The following ANXA4 variants were observed in gnomAD, a reference collection of about 807,000 sequenced individuals.
The protein encoded by ANXA4 is 35-beta calcimedin.
Under a neutral mutation model 49.8 loss-of-function variants are expected in ANXA4, and 39 were observed. That is an observed-to-expected ratio of 0.78 (90% confidence interval 0.61 to 1.02). The LOEUF (loss-of-function observed/expected upper bound fraction) is 1.02, where lower values mean the gene tolerates loss of function less well. Among genes scored for constraint, ANXA4 ranks in the 50% least tolerant of loss-of-function variants. ANXA4 has a pLI of 0.00. For synonymous variants in ANXA4, 134 were observed against 152.5 expected, an observed-to-expected ratio of 0.88 and a Z score of 0.89; for missense variants, 360 against 410.1, an observed-to-expected ratio of 0.88 and a Z score of 1.05.
rs904636095 is a variant in ANXA4 at position 69,826,895 on chromosome 2, T to A, written c.*1380T>A. The A allele has an allele frequency of 1.2e-4, 19 of 152,078 alleles. No individual in the cohort carries two copies. Among genetic ancestry groups the A allele is most frequent in the African/African-American group, 4.6e-4 (19 of 41,342 alleles). 9.4% of individuals were successfully genotyped at this position (152,078 alleles called of 1,614,324 possible). A position where few individuals can be genotyped will look rare whatever the true frequency, so the allele number is the denominator to read the frequency against. On this transcript the variant is annotated 3_prime_UTR_variant, in exon 13 of 13. Transcript: ENST00000394295. ...CTGAAAGGAGCTATTTTTGAAGGAC[T>A]TGTGTTACTCAGTTTCTACAGGAAT...
intron 3 of ANXA4, among the ~76,000 whole-genome samples, chr2:69,730,835 T>C (rs566975295): frequency 6.6e-6 from 1 of 152,318 alleles, no homozygotes; most frequent in Non-Finnish European, 1.5e-5. Context: ...TAATGACCCA[T>C]TAGCAAGGCC....
intron 1 of ANXA4, among the ~76,000 whole-genome samples, chr2:69,763,516 C>A (rs1197866808): frequency 6.6e-6 from 1 of 152,010 alleles, no homozygotes; most frequent in African/African-American, 2.4e-5. Context: ...CAAATAGAAC[C>A]CAACAAGGAA....
chr2:69,788,769 T>C (rs375871192), intron 3 of ANXA4, among the ~76,000 whole-genome samples: 2 of 133,762 alleles, frequency 1.5e-5, no homozygotes, highest in African/African-American at 2.9e-5. Flanking sequence ...ACCCGGGAGG[T>C]GGAGCTTGCA....
intron 3 of ANXA4, among the ~76,000 whole-genome samples, chr2:69,799,692 T>C (rs1391848232): frequency 6.6e-6 from 1 of 152,198 alleles, no homozygotes; most frequent in Non-Finnish European, 1.5e-5. Context: ...ACAGTGATTC[T>C]ATGTGCACCA....
At chr2:69,692,901 G>T (rs967401868) in intron 2 of ANXA4, among the ~76,000 whole-genome samples, 19 of 152,110 alleles carry the variant, frequency 1.2e-4, no homozygotes, top group Non-Finnish European at 2.8e-4. Context: ...GTTCAGAATT[G>T]GTTTATATCA....
At chr2:69,764,315 G>A (rs753631136) in intron 1 of ANXA4, among the ~76,000 whole-genome samples, 31 of 152,128 alleles carry the variant, frequency 2.0e-4, no homozygotes, top group Non-Finnish European at 3.5e-4. Flanking sequence ...ATGTTTCCTC[G>A]AGGGACTTTG....
At chr2:69,673,456 G>C (rs1677268414) in intron 2 of ANXA4, among the ~76,000 whole-genome samples, 1 of 117,514 alleles carries the variant, frequency 8.5e-6, no homozygotes, top group Non-Finnish European at 1.6e-5. Context: ...TGAACAATGA[G>C]AACACATGGA....
At chr2:69,675,623 G>T (rs1677379533) in intron 2 of ANXA4, among the ~76,000 whole-genome samples, 1 of 152,282 alleles carries the variant, frequency 6.6e-6, no homozygotes, top group African/African-American at 2.4e-5. Flanking sequence ...GGGGCAGAAA[G>T]CAGAATGACA....
intron 1 of ANXA4, among the ~76,000 whole-genome samples, chr2:69,760,991 GTC>G: frequency 7.1e-6 from 1 of 141,412 alleles, no homozygotes; most frequent in Non-Finnish European, 1.5e-5. Flanking sequence ...GTGACACCTC[GTC>G]TCTATTAAAT....
intron 2 of ANXA4, among the ~76,000 whole-genome samples, chr2:69,655,562 G>A (rs534605516): frequency 2.0e-5 from 3 of 152,116 alleles, no homozygotes; most frequent in Non-Finnish European, 4.4e-5. Flanking sequence ...AAAGAGCAAC[G>A]GTTTTACACT....
rs558162615 is a variant in ANXA4 at position 69,649,480 on chromosome 2, C to A, written n.482-3518C>A. ...TCATTGTATATTCTCTAAAAATATT[C>A]TTTTAGTAGTTGCTTAGTAATCAGT... On this transcript the variant is annotated intron_variant and non_coding_transcript_variant, in intron 1 of 3. Coordinates refer to the ANXA4 transcript ENST00000418066. Among the ~76,000 whole-genome samples, 16 of 147,926 alleles carry A rather than the reference C, an allele frequency of 1.1e-4. No individual in the cohort carries two copies. In the South Asian group the frequency reaches 2.8e-3, roughly 25 times the overall value.
intron 1 of ANXA4, among the ~76,000 whole-genome samples, chr2:69,757,531 C>T (rs2105513123): frequency 6.6e-6 from 1 of 150,408 alleles, no homozygotes; most frequent in South Asian, 2.1e-4. Flanking sequence ...CCTCGGCCTC[C>T]CAAAGTTCTG....
At chr2:69,763,099 A>T (rs1432563970) in intron 1 of ANXA4, among the ~76,000 whole-genome samples, 1 of 152,156 alleles carries the variant, frequency 6.6e-6, no homozygotes, top group Non-Finnish European at 1.5e-5. Context: ...CGTGAATCAG[A>T]AATCCACTGT....
chr2:69,798,514 A>G (rs1035966050), intron 3 of ANXA4, among the ~76,000 whole-genome samples: 4 of 152,214 alleles, frequency 2.6e-5, no homozygotes, highest in Non-Finnish European at 5.9e-5. Context: ...CCCTGGCCAG[A>G]AATTCTCAGT....
intron 3 of ANXA4, among the ~76,000 whole-genome samples, chr2:69,796,951 G>A (rs932362731): frequency 7.2e-5 from 11 of 152,102 alleles, no homozygotes; most frequent in Non-Finnish European, 1.2e-4. Flanking sequence ...GTGCATAGGG[G>A]ACCTTGGACC....
At position 69,812,831 on chromosome 2, in the gene ANXA4, A is replaced by T. The variant is rs574690737; in HGVS notation, c.534+122A>T. The T allele has an allele frequency of 3.6e-6, 3 of 831,324 alleles. No homozygotes were observed. The African/African-American group carries it at 5.2e-5, about 14-fold the overall frequency. 51.5% of individuals were successfully genotyped at this position (831,324 alleles called of 1,614,324 possible). A position where few individuals can be genotyped will look rare whatever the true frequency, so the allele number is the denominator to read the frequency against. On this transcript the variant is annotated intron_variant, in intron 8 of 12. Coordinates refer to ENST00000394295, the MANE Select transcript of ANXA4 (RefSeq NM_001153.5). ...TTAGCCAGGCTTGGATATGTTCTTT[A>T]AAAATATTCCCACAGATAGCCTTTA... is the stretch of plus-strand genomic sequence containing the variant.
At chr2:69,722,158 C>T (rs1669830012) in intron 3 of ANXA4, among the ~76,000 whole-genome samples, 1 of 152,160 alleles carries the variant, frequency 6.6e-6, no homozygotes, top group African/African-American at 2.4e-5. Context: ...ACACCCATTC[C>T]TACTGTGTAT....
chr2:69,737,749 T>C (rs1670280572), upstream of ANXA4, among the ~76,000 whole-genome samples: 1 of 152,148 alleles, frequency 6.6e-6, no homozygotes, highest in East Asian at 1.9e-4. Flanking sequence ...CAGGCTCATG[T>C]CATCGCACCC....
intron 1 of ANXA4, among the ~76,000 whole-genome samples, chr2:69,744,445 T>A (rs1025200053): frequency 6.6e-6 from 1 of 152,224 alleles, no homozygotes; most frequent in Non-Finnish European, 1.5e-5. Context: ...ATCCAAAAAT[T>A]GTATACCTTT....
Sources: allele counts gnomAD v4.1 joint callset (sites outside exome capture counted in the v4.1 genomes callset), GRCh38; gene constraint gnomAD v4.1.1; transcripts MANE v1.5; gene names NCBI Gene and HGNC (gene_info 2026-07-23, HGNC 2026-07-21).